Variants in FAM133A observed in about 807,000 individuals in gnomAD.
FAM133A encodes protein FAM133A.
For synonymous variants in FAM133A, 65 were observed against 58.6 expected (o/e 1.11, Z -0.50); for missense variants, 159 against 164.4 (o/e 0.97, Z 0.18).
At chrX:93,684,715 C>T (rs186778452) in intron 2 of FAM133A, among the ~76,000 whole-genome samples, 2 of 111,767 alleles carry the variant, frequency 1.8e-5, no homozygotes, top group Admixed American at 9.5e-5. Flanking sequence ...TTTGTATTTT[C>T]TATTCTGAAT....
intron 2 of FAM133A, among the ~76,000 whole-genome samples, chrX:93,687,345 T>G: frequency 9.1e-6 from 1 of 109,854 alleles, no homozygotes; most frequent in Non-Finnish European, 1.9e-5. Flanking sequence ...GATGGAGGGG[T>G]GGGAAGAGGT....
At chrX:93,679,152 T>C (rs1338693327) in intron 2 of FAM133A, among the ~76,000 whole-genome samples, 1 of 111,310 alleles carries the variant, frequency 9.0e-6, no homozygotes, top group Non-Finnish European at 1.9e-5. Context: ...TCACTCCTGA[T>C]AAAGAGAGAC....
chrX:93,678,882 A>T, intron 2 of FAM133A, among the ~76,000 whole-genome samples: 1 of 112,212 alleles, frequency 8.9e-6, no homozygotes, highest in East Asian at 2.8e-4. Flanking sequence ...GAATGAGAAC[A>T]AAATTGTGTG....
At chrX:93,699,884 C>T (rs2147646446) in intron 3 of FAM133A, among the ~76,000 whole-genome samples, 1 of 110,904 alleles carries the variant, frequency 9.0e-6, no homozygotes, top group South Asian at 3.8e-4. Flanking sequence ...GAGCCTCCCC[C>T]CAGTTTTTAG....
upstream of FAM133A, among the ~76,000 whole-genome samples, chrX:93,673,845 TAAAAA>T: frequency 9.4e-6 from 1 of 106,006 alleles, no homozygotes; most frequent in Admixed American, 1.0e-4. Flanking sequence ...GTTTTATAAT[TAAAAA>T]AGAAAAAAAA....
At chrX:93,676,615 G>T (rs1924719655) in intron 2 of FAM133A, among the ~76,000 whole-genome samples, 1 of 106,840 alleles carries the variant, frequency 9.4e-6, no homozygotes. Context: ...ATTAAAATTG[G>T]TTGTTTTTTT....
At chrX:93,682,067 T>C (rs1925202667) in intron 2 of FAM133A, among the ~76,000 whole-genome samples, 1 of 111,719 alleles carries the variant, frequency 9.0e-6, no homozygotes, top group African/African-American at 3.2e-5. Flanking sequence ...CCCAAATTTT[T>C]AGTGATACTT....
At chrX:93,675,554 G>A (rs1259826748) in intron 2 of FAM133A, among the ~76,000 whole-genome samples, 1 of 111,162 alleles carries the variant, frequency 9.0e-6, no homozygotes, top group Non-Finnish European at 1.9e-5. Context: ...GATACCTAAA[G>A]CATGTATTTC....
Position 93,710,407 on chromosome X carries a change from T to A in FAM133A, c.*241T>A, listed in dbSNP as rs781469536. The stretch of plus-strand genomic sequence containing the variant: ...ATGTTTGAAATTAAAGTAAAATGTG[T>A]TAGATAATGAATAACTTTGACAAAA... On this transcript the variant is annotated 3_prime_UTR_variant, in exon 4 of 4. Coordinates refer to ENST00000683942, the MANE Select transcript of FAM133A (RefSeq NM_001171109.2). 3.4e-6 allele frequency: 1 copy of A among 295,491 alleles called. No individual in the cohort carries two copies. The highest frequency in any genetic ancestry group is 1.9e-4 in the South Asian group (1 of 5,245). 24.4% of individuals were successfully genotyped at this position (295,491 alleles called of 1,213,427 possible).
chrX:93,708,608 A>G lies in FAM133A; in HGVS notation c.-103-709A>G, dbSNP rs143608343. On this transcript the variant is annotated intron_variant, in intron 3 of 3. Coordinates refer to ENST00000683942, the MANE Select transcript of FAM133A (RefSeq NM_001171109.2). ...TAATTCTCTAAGCCTCAGTTTATCT[A>G]TCTGTGAAATAGAGACAATGATAGG... is the stretch of plus-strand genomic sequence containing the variant. Among the ~76,000 whole-genome samples the G allele has an allele frequency of 7.6e-3, 854 of 111,992 alleles. 25 individuals carry two copies. Among genetic ancestry groups the G allele is most frequent in the East Asian group, 0.068 (241 of 3,549 alleles).
chrX:93,700,589 T>C (rs1395344276), intron 3 of FAM133A, among the ~76,000 whole-genome samples: 2 of 111,777 alleles, frequency 1.8e-5, no homozygotes, highest in Non-Finnish European at 3.8e-5. Context: ...ATGATAATTA[T>C]AATATAAATT....
intron 2 of FAM133A, among the ~76,000 whole-genome samples, chrX:93,685,361 C>A (rs60268228): frequency 0.016 from 1,811 of 111,142 alleles, 44 homozygotes; most frequent in African/African-American, 0.056. Flanking sequence ...ATCCTTTTTT[C>A]CTGTAGTTTT....
At chrX:93,674,158 G>T (rs1924504944), upstream of FAM133A, 1 of 111,136 alleles carries the variant, frequency 9.0e-6, no homozygotes, top group Non-Finnish European at 1.9e-5. Context: ...GGCAGAGGAG[G>T]GAGGGACTAG....
intron 2 of FAM133A, among the ~76,000 whole-genome samples, chrX:93,681,609 C>A (rs1325998959): frequency 9.0e-6 from 1 of 111,316 alleles, no homozygotes; most frequent in African/African-American, 3.3e-5. Context: ...AACAAGATGT[C>A]AATGAACTAA....
intron 3 of FAM133A, among the ~76,000 whole-genome samples, chrX:93,700,224 TC>T (rs1181331336): frequency 1.8e-5 from 2 of 110,557 alleles, no homozygotes; most frequent in Admixed American, 1.9e-4. Context: ...CCTCTATCCA[TC>T]CCCCAACCGC....
At chrX:93,681,886 C>T (rs906902456) in intron 2 of FAM133A, among the ~76,000 whole-genome samples, 21 of 111,769 alleles carry the variant, frequency 1.9e-4, no homozygotes, top group African/African-American at 6.5e-4. Context: ...ATGTGTTTAG[C>T]CTTCTTTGTA....
intron 2 of FAM133A, among the ~76,000 whole-genome samples, chrX:93,693,637 C>T (rs73252246): frequency 0.069 from 7,666 of 110,861 alleles, 613 homozygotes; most frequent in African/African-American, 0.23. Context: ...CTAATAAAGA[C>T]TAAAAGATCA....
At chrX:93,694,271 A>G (rs1271422843) in intron 2 of FAM133A, among the ~76,000 whole-genome samples, 1 of 111,539 alleles carries the variant, frequency 9.0e-6, no homozygotes, top group African/African-American at 3.3e-5. Flanking sequence ...TTAATATAAC[A>G]CAATGAAAAA....
chrX:93,687,324 T>C (rs1441561182), intron 2 of FAM133A, among the ~76,000 whole-genome samples: 1 of 110,706 alleles, frequency 9.0e-6, no homozygotes, highest in Non-Finnish European at 1.9e-5. Flanking sequence ...ATAATGGACT[T>C]TGAGGACTCG....
Sources: allele counts gnomAD v4.1 joint callset (sites outside exome capture counted in the v4.1 genomes callset), GRCh38; gene constraint gnomAD v4.1.1; transcripts MANE v1.5; gene names NCBI Gene and HGNC (gene_info 2026-07-23, HGNC 2026-07-21).